The following MAGI2 variants were observed in gnomAD, a reference collection of about 807,000 sequenced individuals.
The protein encoded by MAGI2 is membrane-associated guanylate kinase, WW and PDZ domain-containing protein 2.
MAGI2 carries 35 observed loss-of-function variants against 133.3 expected under a neutral mutation model. The ratio of observed to expected loss-of-function variants is 0.26; its 90% CI spans 0.20 to 0.35. The LOEUF is 0.35. MAGI2 is among the 10% of genes least tolerant of loss of function. MAGI2 has a pLI of 1.00. For missense variants in MAGI2, 1,636 were observed against 1,863.4 expected (o/e 0.88, Z 2.25); for synonymous variants, 729 against 710.6 (o/e 1.03, Z -0.41).
intron 2 of MAGI2, among the ~76,000 whole-genome samples, chr7:78,888,226 G>T (rs1003559756): frequency 2.0e-5 from 3 of 152,212 alleles, no homozygotes; most frequent in African/African-American, 7.2e-5. Flanking sequence ...AAACAAAGCG[G>T]CCAGGAAGCT....
intron 2 of MAGI2, among the ~76,000 whole-genome samples, chr7:78,663,803 T>C (rs1255601354): frequency 1.3e-5 from 2 of 152,210 alleles, no homozygotes; most frequent in Non-Finnish European, 2.9e-5. Flanking sequence ...TATATAAATG[T>C]GGATTAACCA....
Position 79,084,076 on chromosome 7 carries a change from A to T in MAGI2, c.302-76870T>A, listed in dbSNP as rs375443504. ...TAGTCAGTTTACTTAAAAGTTAGCA[A>T]ATTTGGTTAATCTTTTCAAAGAATC... On this transcript the variant is annotated intron_variant, in intron 1 of 21. Transcript: ENST00000354212. Among the ~76,000 whole-genome samples, 148 of 151,762 alleles carry T rather than the reference A, an allele frequency of 9.8e-4. 2 individuals carry two copies. In the South Asian group the frequency reaches 0.03, roughly 31 times the overall value.
At chr7:78,313,570 AAAG>A (rs922324934) in intron 9 of MAGI2, among the ~76,000 whole-genome samples, 7 of 152,070 alleles carry the variant, frequency 4.6e-5, no homozygotes, top group Non-Finnish European at 8.8e-5. Flanking sequence ...CAAACATTAG[AAAG>A]AAGAAGAGAA....
intron 5 of MAGI2, among the ~76,000 whole-genome samples, chr7:78,492,922 T>C (rs1356864156): frequency 1.3e-5 from 2 of 152,198 alleles, no homozygotes; most frequent in African/African-American, 4.8e-5. Context: ...CATACTAATA[T>C]ACTACTTCAT....
intron 1 of MAGI2, among the ~76,000 whole-genome samples, chr7:79,166,979 A>G (rs1824987843): frequency 6.6e-6 from 1 of 152,032 alleles, no homozygotes; most frequent in Admixed American, 6.6e-5. Context: ...CCTCATAATT[A>G]AGGGGAAGGT....
chr7:78,731,196 A>G (rs1336068297), intron 2 of MAGI2, among the ~76,000 whole-genome samples: 2 of 152,144 alleles, frequency 1.3e-5, no homozygotes, highest in African/African-American at 4.8e-5. Context: ...ATAAGAGTGT[A>G]TTTATAGAGA....
intron 3 of MAGI2, among the ~76,000 whole-genome samples, chr7:78,536,754 T>G (rs1797975516): frequency 8.8e-6 from 1 of 114,180 alleles, no homozygotes; most frequent in African/African-American, 3.7e-5. Context: ...TTTGTTTTTG[T>G]TGTTGTTTTT....
chr7:79,265,746 G>T (rs1264096692), intron 1 of MAGI2, among the ~76,000 whole-genome samples: 1 of 152,060 alleles, frequency 6.6e-6, no homozygotes, highest in Non-Finnish European at 1.5e-5. Context: ...TGAATTATTG[G>T]GCACTGGGTG....
At chr7:78,257,327 A>G (rs1474538586) in intron 9 of MAGI2, among the ~76,000 whole-genome samples, 1 of 152,212 alleles carries the variant, frequency 6.6e-6, no homozygotes. Context: ...ATAAATGTGG[A>G]CTATTATTAA....
intron 3 of MAGI2, chr7:78,614,372 A>C (rs1034764469): frequency 1.1e-4 from 17 of 152,008 alleles, no homozygotes; most frequent in Non-Finnish European, 4.4e-5. Flanking sequence ...AAACTTGTAA[A>C]TTCACATTTT....
At chr7:79,156,741 T>C (rs575716675) in intron 1 of MAGI2, among the ~76,000 whole-genome samples, 10 of 152,268 alleles carry the variant, frequency 6.6e-5, no homozygotes, top group African/African-American at 2.2e-4. Flanking sequence ...TCAGGACCTC[T>C]TGATGGCTGT....
intron 6 of MAGI2, among the ~76,000 whole-genome samples, chr7:78,394,051 A>G (rs1442786134): frequency 1.3e-5 from 2 of 152,172 alleles, no homozygotes; most frequent in African/African-American, 2.4e-5. Flanking sequence ...AGGTGAACTG[A>G]TGGTATAACT....
chr7:78,945,500 G>T (rs372009111), intron 2 of MAGI2, among the ~76,000 whole-genome samples: 48 of 152,136 alleles, frequency 3.2e-4, no homozygotes, highest in East Asian at 1.4e-3. Flanking sequence ...TAATTCTTGT[G>T]GTAAGAACAA....
intron 21 of MAGI2, 58 bp from the exon 22 acceptor site, chr7:78,020,034 C>A: frequency 6.9e-7 from 1 of 1,445,182 alleles, no homozygotes; most frequent in Non-Finnish European, 9.2e-7. Context: ...CCCGTGCCCT[C>A]TCTACGCCGG....
intron 1 of MAGI2, among the ~76,000 whole-genome samples, chr7:79,259,182 A>G (rs1833906890): frequency 6.6e-6 from 1 of 152,252 alleles, no homozygotes; most frequent in African/African-American, 2.4e-5. Context: ...ACAAATAACA[A>G]TACTTTATCT....
At chr7:78,837,631 T>C (rs776263470) in intron 2 of MAGI2, among the ~76,000 whole-genome samples, 62 of 152,164 alleles carry the variant, frequency 4.1e-4, no homozygotes, top group Non-Finnish European at 7.6e-4. Flanking sequence ...GATTTTATTG[T>C]AAAAATTAAA....
intron 2 of MAGI2, among the ~76,000 whole-genome samples, chr7:78,892,860 A>G (rs552528639): frequency 0.018 from 2,760 of 152,220 alleles, 78 homozygotes; most frequent in African/African-American, 0.061. Flanking sequence ...AATGGCAACA[A>G]AAGCCAAAAT....
In MAGI2 at chr7:78,524,180, G is replaced by C. The variant is rs541941547; in HGVS notation, c.539-2535C>G. On this transcript the variant is annotated intron_variant, in intron 3 of 21. Transcript: ENST00000354212. ...ATTTCAGTAGAGGGAGAGGGAGGGGGAGCCCTACCGTCCACTGATTTTATC... is the reference window on the plus strand; with the variant it reads ...ATTTCAGTAGAGGGAGAGGGAGGGGCAGCCCTACCGTCCACTGATTTTATC... 1.1e-4 allele frequency among the ~76,000 whole-genome samples: 17 copies of C among 152,272 alleles called. 1 individual carries two copies. In the East Asian group the frequency reaches 2.9e-3, roughly 26 times the overall value.
chr7:78,274,021 G>T (rs1434283663), intron 9 of MAGI2, among the ~76,000 whole-genome samples: 3 of 152,060 alleles, frequency 2.0e-5, no homozygotes, highest in Non-Finnish European at 2.9e-5. Context: ...AGGCATTCTG[G>T]TTTTTGGAAT....
Sources: gnomAD v4.1 joint callset for allele counts (sites outside exome capture counted in the v4.1 genomes callset) on GRCh38, gnomAD v4.1.1 for gene constraint, MANE v1.5 for transcripts, NCBI Gene and HGNC (gene_info 2026-07-23, HGNC 2026-07-21) for gene names.